Variants in PAM observed in about 807,000 individuals in gnomAD.
The protein encoded by PAM is peptidyl-glycine alpha-amidating monooxygenase.
Under a neutral mutation model 122.1 loss-of-function variants are expected in PAM, and 72 were observed. The ratio of observed to expected loss-of-function variants is 0.59; its 90% CI spans 0.49 to 0.72. The LOEUF (loss-of-function observed/expected upper bound fraction) is 0.72, where lower values mean the gene tolerates loss of function less well. PAM is among the 30% of genes least tolerant of loss of function. The pLI, the probability that PAM is intolerant of heterozygous loss-of-function variation, is 0.00. For synonymous variants in PAM, 389 were observed against 404.4 expected (o/e 0.96, Z 0.46); for missense variants, 1,106 against 1,183.7 (o/e 0.93, Z 0.96).
intron 15 of PAM, among the ~76,000 whole-genome samples, chr5:102,981,601 T>C (rs1160679315): frequency 6.6e-6 from 1 of 152,206 alleles, no homozygotes; most frequent in African/African-American, 2.4e-5. Context: ...TGTGTGACAG[T>C]TGGTGACAAA....
At chr5:102,893,983 C>T (rs1795462569) in intron 3 of PAM, among the ~76,000 whole-genome samples, 1 of 151,436 alleles carries the variant, frequency 6.6e-6, no homozygotes. Context: ...GATGTTTTGT[C>T]TTTCCTGTTT....
At chr5:102,798,962 C>T (rs542119190) in intron 1 of PAM, among the ~76,000 whole-genome samples, 7 of 152,198 alleles carry the variant, frequency 4.6e-5, no homozygotes, top group African/African-American at 1.4e-4. Flanking sequence ...CTAAAAATTC[C>T]TGTAAATTAA....
At chr5:102,936,249 T>A (rs569033490) in intron 7 of PAM, among the ~76,000 whole-genome samples, 2 of 152,114 alleles carry the variant, frequency 1.3e-5, no homozygotes, top group Admixed American at 1.3e-4. Flanking sequence ...GTGGAAAAAT[T>A]TACACCATGG....
chr5:102,990,447 T>G lies in PAM; in HGVS notation c.1613+46T>G, dbSNP rs183352020. On this transcript the variant is annotated intron_variant, in intron 16 of 25. Coordinates refer to ENST00000438793, the MANE Select transcript of PAM (RefSeq NM_001177306.2). ...AATAAGCAAATGAAAATAAAAATAG[T>G]GTACATAATTTTTTCACTAAACTAA... is the stretch of plus-strand genomic sequence containing the variant. 5 of 1,427,822 alleles carry G rather than the reference T, an allele frequency of 3.5e-6. No homozygotes were observed. In the African/African-American group the frequency reaches 7.2e-5, roughly 20 times the overall value. The allele number at this position is 1,427,822 out of a possible 1,614,324, so 88.4% of individuals were successfully genotyped here.
chr5:102,925,414 C>T (rs904549793), intron 6 of PAM, among the ~76,000 whole-genome samples: 1 of 152,190 alleles, frequency 6.6e-6, no homozygotes, highest in African/African-American at 2.4e-5. Context: ...GTCCTGGAAC[C>T]TAGGTATCTA....
At chr5:102,820,008 A>C (rs959889759) in intron 1 of PAM, among the ~76,000 whole-genome samples, 33 of 152,208 alleles carry the variant, frequency 2.2e-4, no homozygotes, top group Non-Finnish European at 3.7e-4. Context: ...GAAGGCATCA[A>C]ATAATTTATG....
At chr5:103,014,156 C>T (rs1387314519) in intron 21 of PAM, among the ~76,000 whole-genome samples, 1 of 152,136 alleles carries the variant, frequency 6.6e-6, no homozygotes, top group Non-Finnish European at 1.5e-5. Flanking sequence ...TTGCCTTGCT[C>T]ATTCTTTTAA....
intron 1 of PAM, among the ~76,000 whole-genome samples, chr5:102,850,902 A>G (rs1781207123): frequency 6.6e-6 from 1 of 152,214 alleles, no homozygotes; most frequent in Non-Finnish European, 1.5e-5. Context: ...ACTACTGACT[A>G]CCATTTGGTC....
At chr5:102,881,373 A>C (rs948539824) in intron 3 of PAM, among the ~76,000 whole-genome samples, 1 of 151,018 alleles carries the variant, frequency 6.6e-6, no homozygotes, top group African/African-American at 2.4e-5. Flanking sequence ...AAAAGTTACT[A>C]TTTTTTTTTA....
At chr5:102,827,263 C>A (rs1488543649) in intron 1 of PAM, among the ~76,000 whole-genome samples, 1 of 152,040 alleles carries the variant, frequency 6.6e-6, no homozygotes, top group Non-Finnish European at 1.5e-5. Flanking sequence ...TTTCTGATTT[C>A]AGATTTTCAG....
chr5:102,872,589 T>C (rs991702339), intron 3 of PAM, among the ~76,000 whole-genome samples: 5 of 152,346 alleles, frequency 3.3e-5, no homozygotes, highest in Non-Finnish European at 7.4e-5. Flanking sequence ...TGGGCTTTTC[T>C]TTCTGCACTC....
chr5:102,824,864 A>G (rs1773117321), intron 1 of PAM, among the ~76,000 whole-genome samples: 1 of 152,212 alleles, frequency 6.6e-6, no homozygotes, highest in Non-Finnish European at 1.5e-5. Flanking sequence ...ATTATAAACC[A>G]CATAGTTAGC....
At chr5:102,839,213 A>G (rs1271911518) in intron 1 of PAM, among the ~76,000 whole-genome samples, 1 of 152,198 alleles carries the variant, frequency 6.6e-6, no homozygotes, top group Non-Finnish European at 1.5e-5. Flanking sequence ...GTTTATATTC[A>G]AGGATTCCAT....
intron 7 of PAM, 121 bp from the exon 8 acceptor site, chr5:102,946,716 T>C: frequency 4.4e-6 from 3 of 678,424 alleles, no homozygotes; most frequent in Non-Finnish European, 5.2e-6. Flanking sequence ...TAAAGAACCA[T>C]ACAGATGAAA....
rs140179708 is a variant in PAM, at chr5:102,881,706, T to C, written c.210+14313T>C. Among the ~76,000 whole-genome samples, 548 of 150,706 alleles carry C rather than the reference T, an allele frequency of 3.6e-3. 4 individuals carry two copies. The highest frequency in any genetic ancestry group is 0.013 in the African/African-American group (517 of 40,942). On this transcript the variant is annotated intron_variant, in intron 3 of 25. Transcript: ENST00000438793. Reference sequence around the variant, plus strand: ...GATCCTATCTTTTTTTTTTTTTCAATAGGTTTTGGGGGAACATGTGGTGTT... The same window carrying C: ...GATCCTATCTTTTTTTTTTTTTCAACAGGTTTTGGGGGAACATGTGGTGTT...
intron 4 of PAM, among the ~76,000 whole-genome samples, chr5:102,901,837 A>G (rs796864563): frequency 6.6e-6 from 1 of 151,660 alleles, no homozygotes; most frequent in African/African-American, 2.4e-5. Context: ...ATGGATAGAA[A>G]GGAAGGGAAG....
intron 1 of PAM, among the ~76,000 whole-genome samples, chr5:102,858,370 A>G (rs1208203462): frequency 1.3e-5 from 2 of 152,176 alleles, no homozygotes; most frequent in Admixed American, 6.5e-5. Flanking sequence ...TTTGATTGCC[A>G]TAACTGAGGG....
intron 15 of PAM, among the ~76,000 whole-genome samples, chr5:102,983,588 T>C (rs911331160): frequency 2.0e-5 from 3 of 152,016 alleles, no homozygotes; most frequent in Non-Finnish European, 2.9e-5. Flanking sequence ...CTAGAAAGTG[T>C]AGAGATGGGC....
chr5:102,794,863 G>A (rs1408265477), intron 1 of PAM, among the ~76,000 whole-genome samples: 1 of 152,032 alleles, frequency 6.6e-6, no homozygotes, highest in African/African-American at 2.4e-5. Context: ...AGCATTAGCT[G>A]GTTGCTCCAA....
Sources: gnomAD v4.1 joint callset for allele counts (sites outside exome capture counted in the v4.1 genomes callset) on GRCh38, gnomAD v4.1.1 for gene constraint, MANE v1.5 for transcripts, NCBI Gene and HGNC (gene_info 2026-07-23, HGNC 2026-07-21) for gene names.